AASS: variants seen among roughly 807,000 people sequenced by gnomAD.
AASS encodes aminoadipate-semialdehyde synthase, also known as alpha-aminoadipic semialdehyde synthase, mitochondrial.
Under a neutral mutation model 105.4 loss-of-function variants are expected in AASS, and 86 were observed. The observed-to-expected ratio is 0.82, with a 90% CI of 0.69 to 0.98. The LOEUF is 0.98. Ranked by LOEUF, AASS falls within the 50% of genes least tolerant of loss-of-function variation. AASS has a pLI of 0.00. For synonymous variants in AASS, 381 were observed against 394.8 expected (o/e 0.96, Z 0.41); for missense variants, 1,048 against 1,143.2 (o/e 0.92, Z 1.20).
chr7:122,139,244 T>C (rs116748164), intron 1 of AASS, among the ~76,000 whole-genome samples: 1,865 of 152,302 alleles, frequency 0.012, 29 homozygotes, highest in African/African-American at 0.042. Context: ...TTCTCTTTAA[T>C]TAAAAAAATA....
chr7:122,086,529 CATTTT>C (rs1314440670), intron 18 of AASS, among the ~76,000 whole-genome samples: 1 of 150,426 alleles, frequency 6.6e-6, no homozygotes, highest in African/African-American at 2.4e-5. Context: ...TTAAAATAAA[CATTTT>C]AATTTTTAAA....
In AASS at chr7:122,098,763, T is replaced by G. The variant is rs763968369; in HGVS notation, c.1510A>C (p.Asn504His). The G allele has an allele frequency of 1.9e-6, 3 of 1,607,726 alleles. No individual in the cohort carries two copies. The East Asian group carries it at 6.7e-5, about 36-fold the overall frequency. The change falls in exon 14 of 24, where the codon AAT becomes CAT. Residue 504 changes from asparagine (N) to histidine (H), a missense_variant. Asn to His is a moderately conservative substitution (Grantham distance 68). Transcript: ENST00000417368. ...TATTTACCTACTGTTATTTCTATAT[T>G]GCCATCTCTTGATAAATATTCTAAT... ...PVLEYLSRDG[N>H]IEITVGSDMK... is the part of the protein sequence containing the mutation.
At chr7:122,126,300 G>T in intron 4 of AASS, 75 bp downstream of exon 4, 2 of 1,318,348 alleles carry the variant, frequency 1.5e-6, no homozygotes, top group Non-Finnish European at 2.2e-6. Context: ...TCCCCTTGCC[G>T]CAGAAAAGAG....
chr7:122,116,851 T>G (rs895794990), intron 7 of AASS, 28 bp downstream of exon 7: 1 of 1,612,750 alleles, frequency 6.2e-7, no homozygotes, highest in Non-Finnish European at 8.5e-7. Flanking sequence ...TTAAAAACAT[T>G]AAAAGTTAGT....
In AASS at chr7:122,075,178, T is replaced by C. The variant is rs1792944633; in HGVS notation, c.*1311A>G. Among the ~76,000 whole-genome samples the C allele has an allele frequency of 6.6e-6, 1 of 152,244 alleles. No homozygotes were observed. The highest frequency in any genetic ancestry group is 6.5e-5 in the Admixed American group (1 of 15,286). ...CACAAGCCACCAAGCTTGACCATTG[T>C]TGAAAATTAAATTGTTTTCTTAACA... On this transcript the variant is annotated 3_prime_UTR_variant, in exon 24 of 24. Transcript: ENST00000417368.
At chr7:122,138,613 G>T (rs192102677) in intron 1 of AASS, among the ~76,000 whole-genome samples, 29 of 152,248 alleles carry the variant, frequency 1.9e-4, no homozygotes, top group Non-Finnish European at 4.0e-4. Flanking sequence ...GAGACAGGAA[G>T]ATAATAGTGA....
chr7:122,092,340 T>A (rs1793943966), intron 17 of AASS, among the ~76,000 whole-genome samples: 1 of 152,100 alleles, frequency 6.6e-6, no homozygotes, highest in Non-Finnish European at 1.5e-5. Flanking sequence ...TATTACAGAA[T>A]CTTCAAGGTA....
intron 1 of AASS, among the ~76,000 whole-genome samples, chr7:122,137,005 A>G (rs977004467): frequency 6.6e-6 from 1 of 152,238 alleles, no homozygotes; most frequent in Non-Finnish European, 1.5e-5. Flanking sequence ...GGAAAAAGAC[A>G]GAAGTGCCTG....
intron 15 of AASS, among the ~76,000 whole-genome samples, chr7:122,095,539 T>C (rs1794110121): frequency 6.6e-6 from 1 of 151,804 alleles, no homozygotes; most frequent in Non-Finnish European, 1.5e-5. Flanking sequence ...ATCATTGTAC[T>C]TGTCAAATTC....
chr7:122,110,211 G>A (rs558957406), intron 11 of AASS, among the ~76,000 whole-genome samples: 3 of 151,706 alleles, frequency 2.0e-5, no homozygotes, highest in East Asian at 3.9e-4. Context: ...GATTTTTTGC[G>A]ATGACTAATA....
rs1327933247 is a variant in AASS at position 122,092,912 on chromosome 7, T to C, written c.1806A>G (p.Gly602=). The change falls in exon 17 of 24, where the codon GGA becomes GGG. Residue 602 remains glycine (G), a synonymous_variant. Transcript: ENST00000417368. ...ACATGTGATCCAGACCAGGGTCCAA[T>C]CCCAATTCACCAATGATTGTGATGC... is the stretch of plus-strand genomic sequence containing the variant. The part of the protein sequence containing the change: ...DAGITIIGEL[G]LDPGLDHMLA... The C allele has an allele frequency of 6.2e-7, 1 of 1,613,730 alleles. No individual in the cohort carries two copies. Among genetic ancestry groups the C allele is most frequent in the East Asian group, 2.2e-5 (1 of 44,868 alleles).
At chr7:122,081,793 C>A in intron 19 of AASS, 198 bp from the exon 20 acceptor site, 2 of 575,792 alleles carry the variant, frequency 3.5e-6, no homozygotes. Context: ...CCACAACCCA[C>A]CAAAAAAGTA....
At chr7:122,119,065 C>T (rs1378891332) in intron 4 of AASS, among the ~76,000 whole-genome samples, 2 of 152,096 alleles carry the variant, frequency 1.3e-5, no homozygotes, top group Non-Finnish European at 2.9e-5. Context: ...ACCATTAACC[C>T]TAGGGCTCCC....
In AASS at chr7:122,091,625, T is replaced by C; in HGVS notation, c.2016+78A>G. ...GGCAGCATCACCATTATTAAAGGGT[T>C]TGGGATCAGGGAGTATTTAGACTGT... On this transcript the variant is annotated intron_variant, in intron 18 of 23. Coordinates refer to ENST00000417368, the MANE Select transcript of AASS (RefSeq NM_005763.4). The C allele has an allele frequency of 1.9e-6, 3 of 1,606,278 alleles. No individual in the cohort carries two copies. In the South Asian group the frequency reaches 3.3e-5, roughly 18 times the overall value.
At chr7:122,112,877 C>G (rs1795000674) in intron 11 of AASS, among the ~76,000 whole-genome samples, 1 of 152,054 alleles carries the variant, frequency 6.6e-6, no homozygotes, top group Non-Finnish European at 1.5e-5. Context: ...AATAAAAGAC[C>G]TATAATGGGA....
chr7:122,085,935 C>A (rs1378420761), intron 19 of AASS, 77 bp downstream of exon 19: 2 of 1,517,856 alleles, frequency 1.3e-6, no homozygotes, highest in Non-Finnish European at 1.8e-6. Context: ...ATTATTTTGA[C>A]TACTAAGAAA....
At chr7:122,104,545 G>T (rs1794577333) in intron 11 of AASS, among the ~76,000 whole-genome samples, 1 of 152,098 alleles carries the variant, frequency 6.6e-6, no homozygotes, top group Middle Eastern at 3.2e-3. Flanking sequence ...TGTGAAATGA[G>T]ATGGTGCCAC....
Position 122,118,637 on chromosome 7 carries a change from C to A in AASS, c.473-7G>T, listed in dbSNP as rs945402110. The A allele has an allele frequency of 6.2e-7, 1 of 1,612,982 alleles. No individual in the cohort carries two copies. The highest frequency in any genetic ancestry group is 1.3e-5 in the African/African-American group (1 of 74,894). ...TGTAAAATGTTGATCATTCCTGTTA[C>A]AGAATCAGACCAATAGAAAGACTAT... On this transcript the variant is annotated splice_region_variant and splice_polypyrimidine_tract_variant and intron_variant, in intron 4 of 23. Transcript: ENST00000417368.
At position 122,089,331 on chromosome 7, in the gene AASS, TG is replaced by T. The variant is rs1793785960; in HGVS notation, c.2016+2371del. Among the ~76,000 whole-genome samples the T allele has an allele frequency of 5.3e-5, 8 of 152,222 alleles. No individual in the cohort carries two copies. The South Asian group carries it at 1.7e-3, about 32-fold the overall frequency. On this transcript the variant is annotated intron_variant, in intron 18 of 23. Coordinates refer to ENST00000417368, the MANE Select transcript of AASS (RefSeq NM_005763.4). The stretch of plus-strand genomic sequence containing the variant: ...AGGCAAAATAATAGTGAACAGAGGC[TG>T]GAGTGGTCACAAAAAGCTTCATCCA...
Sources: allele counts gnomAD v4.1 joint callset (sites outside exome capture counted in the v4.1 genomes callset), GRCh38; gene constraint gnomAD v4.1.1; transcripts MANE v1.5; gene names NCBI Gene and HGNC (gene_info 2026-07-23, HGNC 2026-07-21).